The following PDE11A variants were observed in gnomAD, a reference collection of about 807,000 sequenced individuals.
The protein encoded by PDE11A is phosphodiesterase 11A, also known as dual 3',5'-cyclic-AMP and -GMP phosphodiesterase 11A.
A neutral mutation model predicts 100.5 loss-of-function variants in PDE11A; 100 were observed. The observed-to-expected ratio is 1.00, with a 90% CI of 0.85 to 1.18. The LOEUF is 1.18. Among genes scored for constraint, PDE11A ranks in the 50% most tolerant of loss-of-function variants. PDE11A has a pLI of 0.00. For missense variants in PDE11A, 1,141 were observed against 1,152.6 expected, an observed-to-expected ratio of 0.99 and a Z score of 0.15; for synonymous variants, 381 against 420.8, an observed-to-expected ratio of 0.91 and a Z score of 1.16.
intron 15 of PDE11A, chr2:177,687,832 G>A (rs1470535958): frequency 6.6e-6 from 1 of 152,120 alleles, no homozygotes; most frequent in South Asian, 2.1e-4. Flanking sequence ...CATTTTATAG[G>A]TGAGGAAACT....
intron 2 of PDE11A, among the ~76,000 whole-genome samples, chr2:177,970,385 GT>G (rs2085754639): frequency 6.6e-6 from 1 of 151,950 alleles, no homozygotes. Flanking sequence ...TCATTTCTAG[GT>G]CACATCGATA....
chr2:178,031,259 C>T (rs963122736), intron 1 of PDE11A, among the ~76,000 whole-genome samples: 57 of 152,174 alleles, frequency 3.7e-4, no homozygotes, highest in African/African-American at 1.3e-3. Flanking sequence ...AAAGCATTCT[C>T]TATAAGCTCA....
chr2:177,818,071 G>C (rs2105582237), intron 7 of PDE11A, 146 bp from the exon 8 acceptor site: 2 of 661,606 alleles, frequency 3.0e-6, no homozygotes, highest in South Asian at 1.6e-5. Context: ...CCGATTTCAT[G>C]AGAATAAATC....
intron 1 of PDE11A, among the ~76,000 whole-genome samples, chr2:178,107,585 A>T (rs2087635537): frequency 6.6e-6 from 1 of 151,818 alleles, no homozygotes; most frequent in Admixed American, 6.6e-5. Flanking sequence ...TACCATTAAC[A>T]TCTCTATTTT....
chr2:177,630,880 A>G (rs569969735), intron 19 of PDE11A, among the ~76,000 whole-genome samples: 1 of 152,300 alleles, frequency 6.6e-6, no homozygotes, highest in East Asian at 1.9e-4. Context: ...AAAGGGAAAT[A>G]AGATTTTGAT....
chr2:177,798,523 G>T (rs2082738505), intron 9 of PDE11A, among the ~76,000 whole-genome samples: 1 of 152,182 alleles, frequency 6.6e-6, no homozygotes, highest in Non-Finnish European at 1.5e-5. Context: ...TTTAAATGAT[G>T]ATATAATTAT....
At chr2:177,660,925 C>A (rs970066802) in intron 19 of PDE11A, among the ~76,000 whole-genome samples, 12 of 152,234 alleles carry the variant, frequency 7.9e-5, no homozygotes, top group African/African-American at 2.9e-4. Context: ...AGCCTGGCCA[C>A]CCGCCCCTGC....
At chr2:177,995,761 G>C (rs1385242427) in intron 2 of PDE11A, among the ~76,000 whole-genome samples, 1 of 151,876 alleles carries the variant, frequency 6.6e-6, no homozygotes, top group African/African-American at 2.4e-5. Flanking sequence ...CAAACTGAGA[G>C]AGCTTCCCTT....
At chr2:177,631,555 ATAT>A (rs2079939993) in intron 19 of PDE11A, among the ~76,000 whole-genome samples, 1 of 30,904 alleles carries the variant, frequency 3.2e-5, no homozygotes, top group African/African-American at 1.3e-4. Context: ...ATACACATGT[ATAT>A]ATATATATAT....
intron 2 of PDE11A, among the ~76,000 whole-genome samples, chr2:178,100,072 G>A (rs745431292): frequency 1.3e-5 from 2 of 152,112 alleles, no homozygotes; most frequent in Non-Finnish European, 2.9e-5. Flanking sequence ...CAAATTCACA[G>A]ACAAAAAGCA....
At chr2:178,028,384 A>G (rs1433194960) in intron 1 of PDE11A, among the ~76,000 whole-genome samples, 1 of 151,974 alleles carries the variant, frequency 6.6e-6, no homozygotes, top group Non-Finnish European at 1.5e-5. Flanking sequence ...GAAGGTGTCA[A>G]CCTGTGGGGG....
At chr2:178,056,445 C>T (rs1016264192) in intron 1 of PDE11A, among the ~76,000 whole-genome samples, 1 of 152,130 alleles carries the variant, frequency 6.6e-6, no homozygotes, top group African/African-American at 2.4e-5. Context: ...TTATCGTTCT[C>T]ATTCTAATAA....
At chr2:177,673,698 G>C (rs536055828) in intron 17 of PDE11A, among the ~76,000 whole-genome samples, 136 of 152,312 alleles carry the variant, frequency 8.9e-4, no homozygotes, top group African/African-American at 3.1e-3. Context: ...TATTTTGTCT[G>C]CTGGAGGGAG....
intron 6 of PDE11A, among the ~76,000 whole-genome samples, chr2:177,836,035 A>G (rs2083392590): frequency 6.6e-6 from 1 of 152,196 alleles, no homozygotes; most frequent in Admixed American, 6.5e-5. Flanking sequence ...CCTATCGACC[A>G]CCCAACAGCT....
At chr2:177,717,905 C>T (rs1034756037) in intron 12 of PDE11A, among the ~76,000 whole-genome samples, 1 of 152,124 alleles carries the variant, frequency 6.6e-6, no homozygotes, top group Non-Finnish European at 1.5e-5. Context: ...TAATGTTGAT[C>T]CTGTATGATA....
At chr2:178,028,891 T>A (rs768504170) in intron 1 of PDE11A, among the ~76,000 whole-genome samples, 6 of 152,198 alleles carry the variant, frequency 3.9e-5, no homozygotes, top group African/African-American at 2.4e-5. Context: ...TTTAACCGAC[T>A]AGAATTCTTC....
At chr2:177,714,048 C>T (rs1368749893) in intron 12 of PDE11A, among the ~76,000 whole-genome samples, 2 of 115,474 alleles carry the variant, frequency 1.7e-5, no homozygotes, top group Non-Finnish European at 3.2e-5. Flanking sequence ...GGCTGGAGTG[C>T]AGTGGCGCGA....
intron 1 of PDE11A, among the ~76,000 whole-genome samples, chr2:178,031,631 TA>T (rs968653972): frequency 1.3e-5 from 2 of 151,494 alleles, no homozygotes; most frequent in Admixed American, 6.6e-5. Flanking sequence ...TAGTGAAAAC[TA>T]AAAAAAAGAC....
intron 2 of PDE11A, among the ~76,000 whole-genome samples, chr2:177,965,873 A>G (rs1305207709): frequency 6.6e-6 from 1 of 152,204 alleles, no homozygotes; most frequent in African/African-American, 2.4e-5. Flanking sequence ...ATTTTAAAAT[A>G]GTTTTTTCTA....
Sources: allele counts gnomAD v4.1 joint callset (sites outside exome capture counted in the v4.1 genomes callset), GRCh38; gene constraint gnomAD v4.1.1; transcripts MANE v1.5; gene names NCBI Gene and HGNC (gene_info 2026-07-23, HGNC 2026-07-21).